RANBP17: variants seen among roughly 807,000 people sequenced by gnomAD.
RANBP17 encodes RAN binding protein 17, also known as ran-binding protein 17.
RANBP17 carries 158 observed loss-of-function variants against 141.2 expected under a neutral mutation model. The ratio of observed to expected loss-of-function variants is 1.12; its 90% CI spans 0.98 to 1.28. The LOEUF is 1.28. RANBP17 is among the 50% of genes most tolerant of loss of function. The pLI is 0.00. For synonymous variants in RANBP17, 430 were observed against 450.0 expected, an observed-to-expected ratio of 0.96 and a Z score of 0.56; for missense variants, 1,438 against 1,290.7, an observed-to-expected ratio of 1.11 and a Z score of -1.75.
intron 14 of RANBP17, among the ~76,000 whole-genome samples, chr5:171,024,759 A>T (rs1474660770): frequency 6.6e-6 from 1 of 151,078 alleles, no homozygotes; most frequent in Non-Finnish European, 1.5e-5. Context: ...TTAGTGTTAC[A>T]GTATATTAGG....
chr5:170,928,978 A>G (rs1040084201), intron 12 of RANBP17, among the ~76,000 whole-genome samples: 4 of 152,022 alleles, frequency 2.6e-5, no homozygotes. Flanking sequence ...TATTGTTTTC[A>G]GTGTACAGTT....
intron 24 of RANBP17, chr5:171,243,065 G>C (rs761940795): frequency 8.4e-6 from 4 of 478,972 alleles, no homozygotes; most frequent in African/African-American, 2.0e-5. Flanking sequence ...GTGACTTTAA[G>C]TGGATAGTTC....
intron 21 of RANBP17, among the ~76,000 whole-genome samples, chr5:171,216,010 G>A (rs1479490225): frequency 6.6e-6 from 1 of 152,116 alleles, no homozygotes; most frequent in Non-Finnish European, 1.5e-5. Context: ...TATTGCCTAG[G>A]TTTTCTTCTA....
chr5:171,108,383 A>C (rs982493529), intron 14 of RANBP17, among the ~76,000 whole-genome samples: 3 of 152,138 alleles, frequency 2.0e-5, no homozygotes, highest in African/African-American at 7.2e-5. Context: ...TAAGTCTAAA[A>C]AATTAAAGTT....
At chr5:171,267,464 TA>T (rs1355494752) in intron 25 of RANBP17, among the ~76,000 whole-genome samples, 13 of 152,102 alleles carry the variant, frequency 8.5e-5, no homozygotes, top group Non-Finnish European at 1.8e-4. Context: ...AACACATCAA[TA>T]GTGTGTTGCT....
chr5:170,939,138 A>C (rs1329118098), intron 12 of RANBP17, among the ~76,000 whole-genome samples: 1 of 152,164 alleles, frequency 6.6e-6, no homozygotes, highest in Non-Finnish European at 1.5e-5. Context: ...ACTGAGCAAA[A>C]ATAACTGCCA....
intron 14 of RANBP17, among the ~76,000 whole-genome samples, chr5:171,039,162 A>G (rs776503350): frequency 2.0e-5 from 3 of 151,822 alleles, no homozygotes; most frequent in Non-Finnish European, 4.4e-5. Flanking sequence ...GACTGTGGAG[A>G]CAGTGCCTGA....
rs372324815 is a variant in RANBP17 at position 171,274,111 on chromosome 5, AGTGTGTGTGTGTGT to A, written c.2943+8290_2943+8303del. ...ATAAAAATAAAGTTTAGTTTGATCA[AGTGTGTGTGTGTGT>A]GTGTGTGTGTGTGTGTGTGTGTGTG... On this transcript the variant is annotated intron_variant, in intron 25 of 27. Coordinates refer to ENST00000523189, the MANE Select transcript of RANBP17 (RefSeq NM_022897.5). Among the ~76,000 whole-genome samples the A allele has an allele frequency of 1.9e-4, 27 of 143,208 alleles. No individual in the cohort carries two copies. In the East Asian group the frequency reaches 2.2e-3, roughly 11 times the overall value. 94.0% of individuals were successfully genotyped at this position (143,208 alleles called of 152,430 possible).
chr5:170,896,727 A>C (rs1380755289), intron 5 of RANBP17, among the ~76,000 whole-genome samples: 3 of 152,150 alleles, frequency 2.0e-5, no homozygotes, highest in Non-Finnish European at 2.9e-5. Context: ...CTACTGGGGA[A>C]GCTGAGGCAG....
At chr5:170,993,901 T>A (rs1052491974) in intron 14 of RANBP17, among the ~76,000 whole-genome samples, 1 of 151,898 alleles carries the variant, frequency 6.6e-6, no homozygotes, top group African/African-American at 2.4e-5. Flanking sequence ...TAAAAAAGGA[T>A]TTTTTTTCCA....
At chr5:170,975,087 T>C (rs1413802001) in intron 14 of RANBP17, among the ~76,000 whole-genome samples, 1 of 152,228 alleles carries the variant, frequency 6.6e-6, no homozygotes, top group Admixed American at 6.5e-5. Flanking sequence ...TACTTTCTCA[T>C]TTTTCACAAT....
intron 22 of RANBP17, among the ~76,000 whole-genome samples, chr5:171,224,118 T>C (rs1038449436): frequency 5.3e-5 from 8 of 152,196 alleles, no homozygotes; most frequent in African/African-American, 1.9e-4. Flanking sequence ...CCAGCCTTCT[T>C]TGGACAGGGG....
intron 14 of RANBP17, among the ~76,000 whole-genome samples, chr5:171,152,263 G>A (rs1213326918): frequency 6.6e-6 from 1 of 150,688 alleles, no homozygotes; most frequent in African/African-American, 2.4e-5. Context: ...AAAAAAAAAA[G>A]TAAAAAATTA....
At chr5:171,031,606 A>T (rs988643212) in intron 14 of RANBP17, among the ~76,000 whole-genome samples, 1 of 152,050 alleles carries the variant, frequency 6.6e-6, no homozygotes, top group African/African-American at 2.4e-5. Context: ...ATCATGTTTT[A>T]AATTTCTTCA....
chr5:171,174,547 C>T (rs1425407372), intron 16 of RANBP17, among the ~76,000 whole-genome samples: 4 of 151,958 alleles, frequency 2.6e-5, no homozygotes, highest in Non-Finnish European at 4.4e-5. Context: ...TCTGTTTGTT[C>T]GGTAATCATT....
chr5:170,862,085 GC>G, intron 1 of RANBP17, 34 bp downstream of exon 1: 1 of 1,440,734 alleles, frequency 6.9e-7, no homozygotes, highest in Admixed American at 2.8e-5. Flanking sequence ...CCCGCGCTCC[GC>G]CACGCTGGGA....
intron 13 of RANBP17, among the ~76,000 whole-genome samples, chr5:170,957,103 A>ACACACACGCG (rs1775778848): frequency 2.0e-5 from 3 of 151,162 alleles, no homozygotes; most frequent in South Asian, 4.3e-4. Flanking sequence ...ACACACACAC[A>ACACACACGCG]CACACGCGCA....
chr5:171,027,262 C>T (rs769661846), intron 14 of RANBP17, among the ~76,000 whole-genome samples: 68 of 152,094 alleles, frequency 4.5e-4, no homozygotes, highest in Non-Finnish European at 7.1e-4. Flanking sequence ...GTTATTACTG[C>T]GTGGTTCCAG....
intron 14 of RANBP17, among the ~76,000 whole-genome samples, chr5:170,995,125 T>G (rs1223796036): frequency 6.6e-6 from 1 of 152,144 alleles, no homozygotes; most frequent in Non-Finnish European, 1.5e-5. Context: ...GTATATTGCA[T>G]TAATTAAATT....
Sources: allele counts gnomAD v4.1 joint callset (sites outside exome capture counted in the v4.1 genomes callset), GRCh38; gene constraint gnomAD v4.1.1; transcripts MANE v1.5; gene names NCBI Gene and HGNC (gene_info 2026-07-23, HGNC 2026-07-21).